RARB: variants seen among roughly 807,000 people sequenced by gnomAD.
The protein encoded by RARB is HBV-activated protein.
RARB carries 17 observed loss-of-function variants against 51.9 expected under a neutral mutation model. The observed-to-expected ratio is 0.33, with a 90% confidence interval of 0.22 to 0.49. RARB has a LOEUF of 0.49. Ranked by LOEUF, RARB falls within the 20% of genes least tolerant of loss-of-function variation. The pLI, the probability that RARB is intolerant of heterozygous loss-of-function variation, is 0.99. For missense variants in RARB, 369 were observed against 550.8 expected (o/e 0.67, Z 3.30); for synonymous variants, 215 against 195.4 (o/e 1.10, Z -0.84).
At chr3:25,031,028 C>CT (rs1351468162) in intron 2 of RARB, among the ~76,000 whole-genome samples, 16 of 152,138 alleles carry the variant, frequency 1.1e-4, no homozygotes, top group African/African-American at 3.6e-4. Flanking sequence ...AGTAGGGTTT[C>CT]TTAATTTAGC....
At chr3:25,189,390 C>G (rs1701046495) in intron 5 of RARB, among the ~76,000 whole-genome samples, 1 of 152,058 alleles carries the variant, frequency 6.6e-6, no homozygotes, top group African/African-American at 2.4e-5. Context: ...ATTGAGAAAC[C>G]ATGAATCTGA....
chr3:25,072,929 A>G (rs984054364), intron 3 of RARB, among the ~76,000 whole-genome samples: 1 of 151,764 alleles, frequency 6.6e-6, no homozygotes, highest in African/African-American at 2.4e-5. Flanking sequence ...CGATCTCCTG[A>G]CCTGATGATC....
chr3:24,921,075 T>G (rs1164781151), intron 2 of RARB, among the ~76,000 whole-genome samples: 1 of 152,170 alleles, frequency 6.6e-6, no homozygotes, highest in Non-Finnish European at 1.5e-5. Context: ...GTGGCACCTG[T>G]CTGTTCTATA....
intron 5 of RARB, among the ~76,000 whole-genome samples, chr3:25,369,407 TGAAAA>T (rs1706231727): frequency 6.6e-6 from 1 of 152,062 alleles, no homozygotes; most frequent in African/African-American, 2.4e-5. Flanking sequence ...AATACAATAA[TGAAAA>T]GAAGAAATAA....
chr3:25,358,833 T>A (rs775242538), intron 5 of RARB, among the ~76,000 whole-genome samples: 12 of 152,208 alleles, frequency 7.9e-5, no homozygotes, highest in Non-Finnish European at 1.5e-4. Flanking sequence ...TGAAGCCGAC[T>A]TGATCATGGT....
chr3:25,272,157 C>A (rs1427902202), intron 5 of RARB, among the ~76,000 whole-genome samples: 1 of 152,166 alleles, frequency 6.6e-6, no homozygotes, highest in Non-Finnish European at 1.5e-5. Flanking sequence ...GCAGAAAATT[C>A]TATGGACAGT....
intron 5 of RARB, among the ~76,000 whole-genome samples, chr3:25,321,695 T>A (rs1449767520): frequency 1.3e-5 from 2 of 151,742 alleles, no homozygotes; most frequent in Admixed American, 1.3e-4. Context: ...CCAGCCTGGG[T>A]GGCAGAGTGA....
chr3:24,979,540 T>C (rs1696594925), intron 2 of RARB, among the ~76,000 whole-genome samples: 1 of 152,218 alleles, frequency 6.6e-6, no homozygotes, highest in Non-Finnish European at 1.5e-5. Context: ...ATTTGTTTTA[T>C]CAGAGGCCAG....
chr3:25,381,722 A>G (rs1706631120), intron 5 of RARB, among the ~76,000 whole-genome samples: 1 of 152,206 alleles, frequency 6.6e-6, no homozygotes, highest in South Asian at 2.1e-4. Flanking sequence ...CAGCAGCATC[A>G]GCATTACCTG....
rs146579514 is a variant in RARB, at chr3:25,525,985, G to C, written c.448+24662G>C. ...GACACAGTCATGGTTCATCCTCTTG[G>C]CGTTTTCATTTATATGGAAGGTAGA... On this transcript the variant is annotated intron_variant, in intron 3 of 7. Transcript: ENST00000330688. Among the ~76,000 whole-genome samples the C allele has an allele frequency of 4.0e-3, 604 of 152,294 alleles. 3 individuals carry two copies. The highest frequency in any genetic ancestry group is 0.014 in the African/African-American group (562 of 41,566).
chr3:25,440,112 C>T (rs1708599991), intron 1 of RARB, among the ~76,000 whole-genome samples: 1 of 152,080 alleles, frequency 6.6e-6, no homozygotes. Flanking sequence ...ACACATGATG[C>T]TCAGTAAATA....
chr3:25,539,626 C>G (rs961925880), intron 3 of RARB, among the ~76,000 whole-genome samples: 9 of 143,548 alleles, frequency 6.3e-5, no homozygotes, highest in African/African-American at 2.1e-4. Flanking sequence ...CCCCCCCACA[C>G]TCTCTACATT....
At chr3:25,106,086 G>A (rs1358587634) in intron 3 of RARB, among the ~76,000 whole-genome samples, 1 of 152,058 alleles carries the variant, frequency 6.6e-6, no homozygotes, top group African/African-American at 2.4e-5. Flanking sequence ...TGTGAGAATG[G>A]GCACTTGTAA....
intron 5 of RARB, among the ~76,000 whole-genome samples, chr3:25,280,468 G>A (rs143552302): frequency 2.0e-4 from 30 of 152,240 alleles, no homozygotes; most frequent in Non-Finnish European, 3.2e-4. Flanking sequence ...GAGCTGAAAC[G>A]CTGAGTGAAA....
At chr3:25,393,070 C>A (rs756098445) in intron 5 of RARB, among the ~76,000 whole-genome samples, 4 of 152,060 alleles carry the variant, frequency 2.6e-5, no homozygotes, top group African/African-American at 9.7e-5. Context: ...CCCTTCTATG[C>A]CGATTTTGCT....
At chr3:25,348,377 T>C (rs544465618) in intron 5 of RARB, among the ~76,000 whole-genome samples, 116 of 148,428 alleles carry the variant, frequency 7.8e-4, no homozygotes, top group Non-Finnish European at 1.5e-3. Flanking sequence ...GTGGGAGCAA[T>C]GTGGTGGTGT....
chr3:25,003,550 G>A (rs1171326728), intron 2 of RARB, among the ~76,000 whole-genome samples: 1 of 151,700 alleles, frequency 6.6e-6, no homozygotes, highest in Admixed American at 6.6e-5. Context: ...GTTTTAATAG[G>A]TACAACTACT....
At chr3:25,165,354 C>G (rs183765918) in intron 4 of RARB, among the ~76,000 whole-genome samples, 1 of 152,002 alleles carries the variant, frequency 6.6e-6, no homozygotes, top group Admixed American at 6.6e-5. Context: ...CTATGCCAGT[C>G]TTCTCTCTCT....
At position 25,136,158 on chromosome 3, in the gene RARB, A is replaced by G. The variant is rs77790622; in HGVS notation, c.-280+3950A>G. Among the ~76,000 whole-genome samples, 631 of 152,056 alleles carry G rather than the reference A, an allele frequency of 4.1e-3. 33 individuals carry two copies. The East Asian group carries it at 0.099, about 24-fold the overall frequency. On this transcript the variant is annotated intron_variant, in intron 4 of 11. Transcript: ENST00000383772. Reference sequence around the variant, plus strand: ...GATTTATTGGTCCATTGATCCCTCAATATGCCAGGAGAATAGACTGAACCC... The same window carrying G: ...GATTTATTGGTCCATTGATCCCTCAGTATGCCAGGAGAATAGACTGAACCC...
Sources: gnomAD v4.1 joint callset for allele counts (sites outside exome capture counted in the v4.1 genomes callset) on GRCh38, gnomAD v4.1.1 for gene constraint, MANE v1.5 for transcripts, NCBI Gene and HGNC (gene_info 2026-07-23, HGNC 2026-07-21) for gene names.